The following FBN1 variants were observed in gnomAD, a reference collection of about 807,000 sequenced individuals.
The protein encoded by FBN1 is fibrillin 1.
A neutral mutation model predicts 365.1 loss-of-function variants in FBN1; 29 were observed. The observed-to-expected ratio is 0.08, with a 90% CI of 0.06 to 0.11. The LOEUF (loss-of-function observed/expected upper bound fraction) is 0.11. Among genes scored for constraint, FBN1 ranks in the 10% least tolerant of loss-of-function variants. The pLI is 1.00. For synonymous variants in FBN1, 1,210 were observed against 1,270.5 expected, an observed-to-expected ratio of 0.95 and a Z score of 1.01; for missense variants, 2,476 against 3,703.2, an observed-to-expected ratio of 0.67 and a Z score of 8.60.
intron 6 of FBN1, among the ~76,000 whole-genome samples, chr15:48,577,532 C>T (rs866227664): frequency 6.6e-6 from 1 of 152,146 alleles, no homozygotes; most frequent in African/African-American, 2.4e-5. Flanking sequence ...ACTTAAATCG[C>T]CCTTTTTTTC....
chr15:48,522,683 T>C (rs1461600583), intron 9 of FBN1, among the ~76,000 whole-genome samples: 1 of 152,012 alleles, frequency 6.6e-6, no homozygotes, highest in African/African-American at 2.4e-5. Flanking sequence ...ATTAATAAAA[T>C]GAAATAAAAT....
At chr15:48,536,914 T>C (rs1259888613) in intron 7 of FBN1, among the ~76,000 whole-genome samples, 1 of 152,216 alleles carries the variant, frequency 6.6e-6, no homozygotes, top group Non-Finnish European at 1.5e-5. Flanking sequence ...AGGAAACAGA[T>C]ACAGGCTGAG....
intron 9 of FBN1, among the ~76,000 whole-genome samples, chr15:48,521,549 G>A (rs1198226146): frequency 6.6e-6 from 1 of 152,164 alleles, no homozygotes; most frequent in Non-Finnish European, 1.5e-5. Context: ...AAGCAACATG[G>A]TAAGACGCAT....
intron 17 of FBN1, among the ~76,000 whole-genome samples, chr15:48,501,303 TATC>T (rs1241475807): frequency 6.6e-6 from 1 of 152,158 alleles, no homozygotes. Context: ...GTGAGTTAGT[TATC>T]ATGAGAGTGA....
intron 58 of FBN1, 143 bp from the exon 59 acceptor site, chr15:48,426,007 AAATTT>A: frequency 1.5e-6 from 1 of 668,424 alleles, no homozygotes; most frequent in Non-Finnish European, 2.7e-6. Context: ...ATGACAGCAT[AAATTT>A]AATATGTAAC....
At chr15:48,624,123 TA>T (rs200218005) in intron 2 of FBN1, among the ~76,000 whole-genome samples, 10 of 151,124 alleles carry the variant, frequency 6.6e-5, no homozygotes, top group East Asian at 5.8e-4. Context: ...TGTATATATT[TA>T]AAAAAAAAGA....
chr15:48,626,151 G>C (rs764884489), intron 2 of FBN1, among the ~76,000 whole-genome samples: 1 of 151,996 alleles, frequency 6.6e-6, no homozygotes, highest in Non-Finnish European at 1.5e-5. Flanking sequence ...CCAGCTACTT[G>C]GAAGGCTGAG....
chr15:48,539,570 G>A (rs2044040806), intron 6 of FBN1, among the ~76,000 whole-genome samples: 1 of 152,072 alleles, frequency 6.6e-6, no homozygotes, highest in South Asian at 2.1e-4. Flanking sequence ...TCTGCTATGA[G>A]GATGATGAAT....
chr15:48,598,811 G>T (rs570612564), intron 5 of FBN1, among the ~76,000 whole-genome samples: 5 of 152,182 alleles, frequency 3.3e-5, no homozygotes, highest in Admixed American at 2.0e-4. Context: ...TGGTGATACA[G>T]TTTGGCTGTG....
intron 6 of FBN1, among the ~76,000 whole-genome samples, chr15:48,589,870 C>A (rs1310494497): frequency 6.6e-6 from 1 of 152,174 alleles, no homozygotes; most frequent in Non-Finnish European, 1.5e-5. Flanking sequence ...CCTGCCCCGG[C>A]CTCCCAAAGT....
intron 61 of FBN1, 56 bp from the exon 62 acceptor site, chr15:48,421,742 A>G: frequency 6.3e-7 from 1 of 1,586,882 alleles, no homozygotes; most frequent in Non-Finnish European, 8.6e-7. Context: ...CTCTCTTTGT[A>G]TCATTTAAAA....
At chr15:48,458,369 T>C (rs1199288626) in intron 43 of FBN1, among the ~76,000 whole-genome samples, 1 of 152,232 alleles carries the variant, frequency 6.6e-6, no homozygotes, top group Non-Finnish European at 1.5e-5. Flanking sequence ...AATTGACCTA[T>C]TTAATGAAAA....
chr15:48,535,147 A>G (rs563391225), intron 7 of FBN1, among the ~76,000 whole-genome samples: 12 of 152,280 alleles, frequency 7.9e-5, no homozygotes, highest in South Asian at 2.1e-4. Flanking sequence ...CTGTGCTCCA[A>G]TGCCACTTTA....
intron 23 of FBN1, among the ~76,000 whole-genome samples, chr15:48,493,331 G>T (rs1021541392): frequency 1.3e-5 from 2 of 152,072 alleles, no homozygotes; most frequent in Non-Finnish European, 2.9e-5. Context: ...AAAAAGAGGG[G>T]GGAACATTAG....
intron 2 of FBN1, among the ~76,000 whole-genome samples, chr15:48,636,082 T>C (rs1387375792): frequency 6.6e-6 from 1 of 152,234 alleles, no homozygotes; most frequent in Non-Finnish European, 1.5e-5. Context: ...AGACACATGA[T>C]GCTCCTCACA....
intron 3 of FBN1, 97 bp from the exon 4 acceptor site, chr15:48,610,923 C>A: frequency 1.0e-6 from 1 of 967,190 alleles, no homozygotes; most frequent in South Asian, 1.4e-5. Flanking sequence ...TTCTCAGGTC[C>A]CTCACAAACT....
chr15:48,424,381 T>TCTCTC (rs1420191463), intron 60 of FBN1, among the ~76,000 whole-genome samples: 2 of 152,042 alleles, frequency 1.3e-5, no homozygotes, highest in African/African-American at 4.8e-5. Context: ...GCTCTCCACT[T>TCTCTC]CTCTCCTCTC....
intron 1 of FBN1, among the ~76,000 whole-genome samples, chr15:48,645,254 A>T (rs1382183385): frequency 1.2e-4 from 19 of 152,054 alleles, no homozygotes; most frequent in Admixed American, 9.8e-4. Context: ...AGCGGCACGA[A>T]TTGCGCGCGA....
At chr15:48,508,108 A>T (rs1455109889) in intron 15 of FBN1, among the ~76,000 whole-genome samples, 2 of 152,218 alleles carry the variant, frequency 1.3e-5, no homozygotes, top group Non-Finnish European at 2.9e-5. Flanking sequence ...CCTTAAAAAA[A>T]ATTTCTGTGT....
Sources: allele counts gnomAD v4.1 joint callset (sites outside exome capture counted in the v4.1 genomes callset), GRCh38; gene constraint gnomAD v4.1.1; transcripts MANE v1.5; gene names NCBI Gene and HGNC (gene_info 2026-07-23, HGNC 2026-07-21).